Variants in PCNT observed in about 807,000 individuals in gnomAD.
PCNT encodes pericentrin, also known as kendrin.
Under a neutral mutation model 380.4 loss-of-function variants are expected in PCNT, and 319 were observed. The observed-to-expected ratio is 0.84, with a 90% CI of 0.77 to 0.92. PCNT has a LOEUF of 0.92. PCNT is among the 40% of genes least tolerant of loss of function. PCNT has a pLI of 0.00. For synonymous variants in PCNT, 1,845 were observed against 1,735.2 expected (o/e 1.06, Z -1.57); for missense variants, 4,400 against 4,255.3 (o/e 1.03, Z -0.95).
intron 3 of PCNT, among the ~76,000 whole-genome samples, chr21:46,343,175 C>T (rs1318555813): frequency 6.6e-6 from 1 of 152,114 alleles, no homozygotes; most frequent in African/African-American, 2.4e-5. Context: ...TGTCTGATTG[C>T]TCTGGCTAGG....
chr21:46,417,671 C>T (rs867587873), intron 30 of PCNT, among the ~76,000 whole-genome samples: 4 of 152,018 alleles, frequency 2.6e-5, no homozygotes, highest in Non-Finnish European at 2.9e-5. Context: ...GAGGCTGAGG[C>T]GGGAGGATTG....
At chr21:46,347,806 A>T (rs948485790) in intron 6 of PCNT, among the ~76,000 whole-genome samples, 1 of 152,214 alleles carries the variant, frequency 6.6e-6, no homozygotes, top group Non-Finnish European at 1.5e-5. Flanking sequence ...GTTCTGGGAC[A>T]CAGCCTCTGC....
chr21:46,396,212 G>A (rs1385981753), intron 21 of PCNT, among the ~76,000 whole-genome samples: 1 of 152,238 alleles, frequency 6.6e-6, no homozygotes, highest in Non-Finnish European at 1.5e-5. Flanking sequence ...GTCTCAGGCT[G>A]GTTTTGCTGC....
chr21:46,359,824 G>A (rs117558022), intron 13 of PCNT, among the ~76,000 whole-genome samples: 7,072 of 151,326 alleles, frequency 0.047, 218 homozygotes, highest in Non-Finnish European at 0.063. Flanking sequence ...ACCTTCGTGT[G>A]CATTTTGTCT....
In PCNT at chr21:46,436,036, G is replaced by T. The variant is rs542238990; in HGVS notation, c.8884G>T (p.Gly2962Cys). Residue 2962 changes from glycine to cysteine, a missense_variant, in exon 39 of 47, where the codon GGC (glycine) becomes TGC (cysteine). By Grantham distance (159) the Gly-to-Cys change is radical (BLOSUM62 -3). Coordinates refer to ENST00000359568, the MANE Select transcript of PCNT (RefSeq NM_006031.6). ...LHLGSARRAA[G>C]SDADHLREQQ... ...CCTAGGTTCTGCCCGCAGGGCTGCCGGCTCGGATGCGGACCACCTCCGGGA... is the reference window on the plus strand; with the variant it reads ...CCTAGGTTCTGCCCGCAGGGCTGCCTGCTCGGATGCGGACCACCTCCGGGA... The T allele has an allele frequency of 1.2e-6, 2 of 1,613,944 alleles. No homozygotes were observed. The highest frequency in any genetic ancestry group is 1.7e-6 in the Non-Finnish European group (2 of 1,179,996).
chr21:46,432,246 A>G (rs754906500), intron 38 of PCNT, 31 bp downstream of exon 38: 1 of 1,576,026 alleles, frequency 6.3e-7, no homozygotes, highest in East Asian at 2.3e-5. Context: ...GAGCGTCCAC[A>G]CCTAAAAACG....
chr21:46,404,052 TCGG>T (rs1299082097), intron 27 of PCNT, among the ~76,000 whole-genome samples: 2 of 130,332 alleles, frequency 1.5e-5, no homozygotes, highest in African/African-American at 6.7e-5. Flanking sequence ...TGGCGCGTGC[TCGG>T]TGAATGAACA....
At chr21:46,413,864 C>T (rs1217272342) in intron 29 of PCNT, among the ~76,000 whole-genome samples, 2 of 152,222 alleles carry the variant, frequency 1.3e-5, no homozygotes, top group South Asian at 2.1e-4. Flanking sequence ...GCGAGAAAAG[C>T]GGGTGCTGGT....
rs765815184 is a variant in PCNT at position 46,436,216 on chromosome 21, G to C, written c.8996+68G>C. The C allele has an allele frequency of 2.4e-5, 38 of 1,573,276 alleles. No individual in the cohort carries two copies. In the Admixed American group the frequency reaches 6.5e-4, roughly 27 times the overall value. On this transcript the variant is annotated intron_variant, in intron 39 of 46. Transcript: ENST00000359568. ...CACCCCTCTGTCCCAGACCCGGCCCGAGGGCTGGGGCGCGTCTGGTGTGAG... is the reference window on the plus strand; with the variant it reads ...CACCCCTCTGTCCCAGACCCGGCCCCAGGGCTGGGGCGCGTCTGGTGTGAG...
intron 41 of PCNT, among the ~76,000 whole-genome samples, chr21:46,439,500 C>T (rs1320665572): frequency 6.6e-6 from 1 of 152,324 alleles, no homozygotes; most frequent in East Asian, 1.9e-4. Context: ...GCACGTCCTC[C>T]CGTACACTCT....
chr21:46,344,095 C>T (rs1183998204), intron 3 of PCNT, among the ~76,000 whole-genome samples: 5 of 147,722 alleles, frequency 3.4e-5, no homozygotes, highest in African/African-American at 1.0e-4. Flanking sequence ...GATGGAGTAT[C>T]GCTCTGTCAC....
At chr21:46,439,065 G>C (rs553453157) in intron 41 of PCNT, among the ~76,000 whole-genome samples, 26 of 151,784 alleles carry the variant, frequency 1.7e-4, no homozygotes, top group Non-Finnish European at 3.2e-4. Context: ...TATTTTGTTT[G>C]TGATTTGCTT....
chr21:46,411,587 G>T lies in PCNT; in HGVS notation c.5514G>T (p.Leu1838=), dbSNP rs1030103369. 1.2e-6 allele frequency: 2 copies of T among 1,612,884 alleles called. No individual in the cohort carries two copies. Among genetic ancestry groups the T allele is most frequent in the Admixed American group, 1.7e-5 (1 of 60,006 alleles). ...EEAAELQLAE[L]ERNVALREAE... ...CTGCGGAGCTACAGCTGGCTGAGCT[G>T]GAGCGCAATGTAGCCCTCAGGGAGG... is the stretch of plus-strand genomic sequence containing the variant. Residue 1838 remains leucine (L), a synonymous_variant, in exon 28 of 47, where the codon CTG becomes CTT. Transcript: ENST00000359568.
intron 31 of PCNT, among the ~76,000 whole-genome samples, chr21:46,421,276 G>A (rs1325631413): frequency 6.6e-6 from 1 of 152,040 alleles, no homozygotes; most frequent in Non-Finnish European, 1.5e-5. Context: ...TCCACACGGG[G>A]GCCCCGTCTC....
intron 28 of PCNT, 44 bp downstream of exon 28, chr21:46,412,111 C>T: frequency 6.3e-7 from 1 of 1,580,888 alleles, no homozygotes; most frequent in South Asian, 1.1e-5. Context: ...TTTTTTTACT[C>T]TCCTTTTCTC....
chr21:46,409,720 C>T (rs1479883044), intron 27 of PCNT, among the ~76,000 whole-genome samples: 1 of 152,220 alleles, frequency 6.6e-6, no homozygotes, highest in Non-Finnish European at 1.5e-5. Context: ...CCACCTCAGC[C>T]TCCTGAGTAG....
At chr21:46,365,079 G>T (rs1012321131) in intron 14 of PCNT, among the ~76,000 whole-genome samples, 28 of 152,284 alleles carry the variant, frequency 1.8e-4, no homozygotes, top group Non-Finnish European at 3.4e-4. Context: ...CCTGAGTGCC[G>T]CCTGCACCTC....
intron 9 of PCNT, among the ~76,000 whole-genome samples, chr21:46,352,123 C>T (rs1161508197): frequency 4.6e-5 from 7 of 152,246 alleles, no homozygotes; most frequent in South Asian, 2.1e-4. Flanking sequence ...CAGGCACCGG[C>T]GCCCAGGTCC....
In PCNT at chr21:46,420,698, G is replaced by A. The variant is rs1602047672; in HGVS notation, c.7025-1272G>A. 4 of 153,306 alleles carry A rather than the reference G, an allele frequency of 2.6e-5. No individual in the cohort carries two copies. The South Asian group carries it at 7.5e-4, about 29-fold the overall frequency. The allele number at this position is 153,306 out of a possible 1,614,324, so 9.5% of individuals were successfully genotyped here. A position where few individuals can be genotyped will look rare whatever the true frequency, so the allele number is the denominator to read the frequency against. ...GCTGTGATCTCCTCTGGATGGAGTG[G>A]GCTGGGGCATGGTGCTGGGCACCCA... is the stretch of plus-strand genomic sequence containing the variant. On this transcript the variant is annotated intron_variant, in intron 31 of 46. Coordinates refer to ENST00000359568, the MANE Select transcript of PCNT (RefSeq NM_006031.6).
Sources: gnomAD v4.1 joint callset for allele counts (sites outside exome capture counted in the v4.1 genomes callset) on GRCh38, gnomAD v4.1.1 for gene constraint, MANE v1.5 for transcripts, NCBI Gene and HGNC (gene_info 2026-07-23, HGNC 2026-07-21) for gene names.